The following TNRC6B variants were observed in gnomAD, a reference collection of about 807,000 sequenced individuals.
TNRC6B encodes the protein trinucleotide repeat containing adaptor 6B.
In TNRC6B, 52 loss-of-function variants were observed where a neutral mutation model predicts 203.6. That is an observed-to-expected ratio of 0.26 (90% CI 0.20 to 0.32). The LOEUF (loss-of-function observed/expected upper bound fraction) is 0.32. Ranked by LOEUF, TNRC6B falls within the 10% of genes least tolerant of loss-of-function variation. The pLI, the probability that TNRC6B is intolerant of heterozygous loss-of-function variation, is 1.00. For synonymous variants in TNRC6B, 838 were observed against 845.7 expected (o/e 0.99, Z 0.16); for missense variants, 1,923 against 2,286.2 (o/e 0.84, Z 3.24).
At position 40,264,672 on chromosome 22, in the gene TNRC6B, A is replaced by C. The variant is rs752797560; in HGVS notation, c.458-16A>C. 2.6e-6 allele frequency: 4 copies of C among 1,552,370 alleles called. No individual in the cohort carries two copies. The Admixed American group carries it at 7.9e-5, about 31-fold the overall frequency. ...TGCATTTGAAGCTGTGATTAATAAG[A>C]TGATCTGTTCCCCAGACTCAACCCT... On this transcript the variant is annotated splice_polypyrimidine_tract_variant and intron_variant, in intron 4 of 22. Coordinates refer to ENST00000454349, the MANE Select transcript of TNRC6B (RefSeq NM_001162501.2).
intron 3 of TNRC6B, among the ~76,000 whole-genome samples, chr22:40,135,210 C>T (rs2068589293): frequency 6.6e-6 from 1 of 152,198 alleles, no homozygotes; most frequent in Non-Finnish European, 1.5e-5. Flanking sequence ...TTAGAAGTCA[C>T]CCAGCTTTGC....
intron 1 of TNRC6B, among the ~76,000 whole-genome samples, chr22:40,245,555 C>T (rs1201798097): frequency 6.6e-6 from 1 of 152,118 alleles, no homozygotes; most frequent in East Asian, 1.9e-4. Context: ...ATGTTCACCA[C>T]TCTGAAGATG....
At chr22:40,303,589 G>C (rs1207952422) in intron 15 of TNRC6B, among the ~76,000 whole-genome samples, 2 of 152,074 alleles carry the variant, frequency 1.3e-5, no homozygotes, top group Non-Finnish European at 2.9e-5. Flanking sequence ...TGCCTTATAA[G>C]ATAGATGTGT....
chr22:40,301,467 C>T (rs2071022509), intron 15 of TNRC6B, 134 bp downstream of exon 15: 4 of 973,494 alleles, frequency 4.1e-6, no homozygotes, highest in Non-Finnish European at 5.9e-6. Flanking sequence ...CCCTGGTTTA[C>T]AGATGAGACA....
intron 3 of TNRC6B, among the ~76,000 whole-genome samples, chr22:40,145,561 C>T (rs899917947): frequency 3.3e-5 from 5 of 151,924 alleles, no homozygotes; most frequent in Non-Finnish European, 5.9e-5. Context: ...AACGATAAAT[C>T]GGCTGGGCAT....
rs377573838 is a variant in TNRC6B at position 40,178,158 on chromosome 22, A to T, written c.5+18A>T. 23 of 1,611,664 alleles carry T rather than the reference A, an allele frequency of 1.4e-5. No individual in the cohort carries two copies. The highest frequency in any genetic ancestry group is 1.9e-5 in the Non-Finnish European group (22 of 1,178,322). ...TTTATGAGGTTGGTAAATATTTTCA[A>T]TTTTTTTTAACCAATTGATTTATAT... On this transcript the variant is annotated intron_variant, in intron 1 of 22. Transcript: ENST00000454349.
chr22:40,222,728 C>CTTTTTTTTTTT lies in TNRC6B; in HGVS notation c.6-23264_6-23254dup, dbSNP rs61374373. On this transcript the variant is annotated intron_variant, in intron 1 of 22. Coordinates refer to ENST00000454349, the MANE Select transcript of TNRC6B (RefSeq NM_001162501.2). ...ATCTTGCTGTATTCTCTCTCTCTCT[C>CTTTTTTTTTTT]TTTTTTTTTTTTTTTTTTTTTTTTT... Among the ~76,000 whole-genome samples, 269 of 40,216 alleles carry CTTTTTTTTTTT rather than the reference C, an allele frequency of 6.7e-3. 47 individuals are homozygous for CTTTTTTTTTTT. Among genetic ancestry groups the CTTTTTTTTTTT allele is most frequent in the South Asian group, 0.01 (7 of 678 alleles). 26.4% of individuals were successfully genotyped at this position (40,216 alleles called of 152,430 possible). A position where few individuals can be genotyped will look rare whatever the true frequency, so the allele number is the denominator to read the frequency against.
Position 40,266,656 on chromosome 22 carries a change from C to T in TNRC6B, c.2426C>T (p.Thr809Met), listed in dbSNP as rs374670733. 2.9e-5 allele frequency: 47 copies of T among 1,612,792 alleles called. No homozygotes were observed. The highest frequency in any genetic ancestry group is 3.3e-4 in the Middle Eastern group (2 of 6,058). ...DCKRSPAWNE[T>M]GRQPNSWNKQ... ...AAAAGATCCCCAGCATGGAATGAGA[C>T]GGGCCGACAGCCCAATTCCTGGAAT... is the stretch of plus-strand genomic sequence containing the variant. The change falls in exon 5 of 23, where the codon ACG becomes ATG. Residue 809 changes from threonine to methionine, a missense_variant. Around this residue, in one of 8 missense-constraint regions of TNRC6B, gnomAD observed 599 missense variants for 656.5 expected, o/e 0.91. Transcript: ENST00000454349.
chr22:40,136,371 TTGTGTGTGTG>T (rs56246561), intron 3 of TNRC6B, among the ~76,000 whole-genome samples: 4 of 141,166 alleles, frequency 2.8e-5, no homozygotes, highest in East Asian at 4.1e-4. Flanking sequence ...TATGTTTATC[TTGTGTGTGTG>T]TGTGTGTGTG....
intron 2 of TNRC6B, among the ~76,000 whole-genome samples, chr22:40,118,258 A>G (rs1023109362): frequency 2.0e-5 from 3 of 152,208 alleles, no homozygotes; most frequent in Admixed American, 6.5e-5. Flanking sequence ...TGTGTGGCCT[A>G]TGGTTTTTGA....
At chr22:40,190,984 C>T (rs898900021) in intron 1 of TNRC6B, among the ~76,000 whole-genome samples, 31 of 152,274 alleles carry the variant, frequency 2.0e-4, no homozygotes, top group Admixed American at 9.1e-4. Context: ...CTTTGGAACT[C>T]AACCAGTAAT....
At chr22:40,303,372 A>C (rs902627698) in intron 15 of TNRC6B, among the ~76,000 whole-genome samples, 2 of 151,942 alleles carry the variant, frequency 1.3e-5, no homozygotes, top group Non-Finnish European at 2.9e-5. Context: ...TTAAGCATAC[A>C]CATATATACG....
intron 3 of TNRC6B, 117 bp downstream of exon 3, chr22:40,251,317 G>A: frequency 2.7e-6 from 2 of 742,908 alleles, no homozygotes; most frequent in South Asian, 2.2e-5. Context: ...TAATTAAGGT[G>A]GGTTGTTTGC....
intron 1 of TNRC6B, among the ~76,000 whole-genome samples, chr22:40,049,440 C>T (rs1395499012): frequency 6.6e-6 from 1 of 152,106 alleles, no homozygotes; most frequent in African/African-American, 2.4e-5. Context: ...ACACTAAGGT[C>T]AATTACTAAG....
At chr22:40,192,680 T>A (rs903545957) in intron 1 of TNRC6B, among the ~76,000 whole-genome samples, 1 of 149,966 alleles carries the variant, frequency 6.7e-6, no homozygotes, top group African/African-American at 2.4e-5. Flanking sequence ...CCATCAGCTA[T>A]GGTGAGAAAG....
At chr22:40,239,954 C>T (rs2070005512) in intron 1 of TNRC6B, among the ~76,000 whole-genome samples, 1 of 152,092 alleles carries the variant, frequency 6.6e-6, no homozygotes, top group Non-Finnish European at 1.5e-5. Flanking sequence ...TCTCCTGCCT[C>T]AGCCTCCCAA....
Position 40,266,678 on chromosome 22 carries a change from G to C in TNRC6B, c.2448G>C (p.Trp816Cys). Residue 816 changes from tryptophan to cysteine, a missense_variant, in exon 5 of 23, where the codon TGG becomes TGC. Physicochemically the swap from Trp to Cys is radical, Grantham distance 215. Around this residue, in one of 8 missense-constraint regions of TNRC6B, gnomAD observed 599 missense variants for 656.5 expected, o/e 0.91. Coordinates refer to ENST00000454349, the MANE Select transcript of TNRC6B (RefSeq NM_001162501.2). ...AGACGGGCCGACAGCCCAATTCCTG[G>C]AATAAACAACACCAACAGCAGCAGC... ...WNETGRQPNSWNKQHQQQQPP... is the reference protein window; with the variant it reads ...WNETGRQPNSCNKQHQQQQPP... 1 of 1,613,788 alleles carries C rather than the reference G, an allele frequency of 6.2e-7. No homozygotes were observed. Among genetic ancestry groups the C allele is most frequent in the Non-Finnish European group, 8.5e-7 (1 of 1,179,786 alleles).
intron 4 of TNRC6B, among the ~76,000 whole-genome samples, chr22:40,165,301 G>A (rs1390769089): frequency 1.3e-5 from 2 of 151,710 alleles, no homozygotes; most frequent in Admixed American, 6.6e-5. Flanking sequence ...TTTAGCCTCT[G>A]GAGTAGCTAG....
At position 40,106,657 on chromosome 22, in the gene TNRC6B, T is replaced by C. The variant is rs1414350055; in HGVS notation, c.-120-10398T>C. On this transcript the variant is annotated intron_variant, in intron 1 of 23. Coordinates refer to the TNRC6B transcript ENST00000301923. ...GGTACCCCCAAGCAATATATGACTC[T>C]ACAATCCTCAGCATGTTAATTGAAG... The C allele has an allele frequency of 8.0e-6, 6 of 750,188 alleles. No individual in the cohort carries two copies. The Admixed American group carries it at 8.6e-5, about 11-fold the overall frequency. The allele number at this position is 750,188 out of a possible 1,614,324, so 46.5% of individuals were successfully genotyped here.
Sources: allele counts gnomAD v4.1 joint callset (sites outside exome capture counted in the v4.1 genomes callset), GRCh38; gene constraint gnomAD v4.1.1; regional missense constraint gnomAD v4.1.1; transcripts MANE v1.5; gene names NCBI Gene and HGNC (gene_info 2026-07-23, HGNC 2026-07-21).